Variants in ABTB3 observed in about 807,000 individuals in gnomAD.
The protein encoded by ABTB3 is ankyrin repeat and BTB domain containing 3, also known as ankyrin repeat- and BTB/POZ domain-containing protein 3.
the ABTB3 span, among the ~76,000 whole-genome samples, chr12:107,543,114 T>C: frequency 6.6e-6 from 1 of 152,134 alleles, no homozygotes; most frequent in Non-Finnish European, 1.5e-5. Context: ...GGCAGGCAGA[T>C]CACCTGAGGT....
At chr12:107,444,810 G>A in the ABTB3 span, among the ~76,000 whole-genome samples, 1 of 152,220 alleles carries the variant, frequency 6.6e-6, no homozygotes, top group South Asian at 2.1e-4. Flanking sequence ...TTCTAACGGG[G>A]CAGTTAAGGT....
chr12:107,318,934 C>G, the ABTB3 span: 2 of 1,586,796 alleles, frequency 1.3e-6, no homozygotes, highest in South Asian at 2.3e-5. Context: ...CATGAAGTGG[C>G]GCAGCGATGG....
the ABTB3 span, among the ~76,000 whole-genome samples, chr12:107,383,515 C>T: frequency 6.6e-6 from 1 of 152,196 alleles, no homozygotes; most frequent in South Asian, 2.1e-4. Context: ...AACTACCTTA[C>T]AGAGTTCTAA....
chr12:107,330,025 G>A, the ABTB3 span, among the ~76,000 whole-genome samples: 1 of 152,224 alleles, frequency 6.6e-6, no homozygotes, highest in African/African-American at 2.4e-5. Context: ...AGTGAGGCTT[G>A]AGTGAGGCTG....
At chr12:107,463,758 A>G in the ABTB3 span, among the ~76,000 whole-genome samples, 1 of 152,078 alleles carries the variant, frequency 6.6e-6, no homozygotes, top group Non-Finnish European at 1.5e-5. Context: ...TCTCCTCAGC[A>G]CTCTCACAAG....
chr12:107,518,786 T>C, the ABTB3 span, among the ~76,000 whole-genome samples: 2 of 152,214 alleles, frequency 1.3e-5, no homozygotes, highest in South Asian at 2.1e-4. Context: ...TCGAGCAGGG[T>C]TGGAAACACA....
the ABTB3 span, among the ~76,000 whole-genome samples, chr12:107,561,184 C>T: frequency 5.5e-4 from 83 of 152,266 alleles, no homozygotes; most frequent in African/African-American, 2.0e-3. Flanking sequence ...CATAGAATCC[C>T]GCCCTCTCCT....
At chr12:107,579,099 G>C in the ABTB3 span, among the ~76,000 whole-genome samples, 2 of 152,198 alleles carry the variant, frequency 1.3e-5, no homozygotes, top group African/African-American at 4.8e-5. Context: ...ATTCAAGTGA[G>C]GTAAAGTCAG....
At chr12:107,319,204 G>A in the ABTB3 span, 361 of 1,590,554 alleles carry the variant, frequency 2.3e-4, no homozygotes, top group Non-Finnish European at 3.0e-4. Flanking sequence ...AGCACTGCTC[G>A]CGGCTGCTGC....
At chr12:107,646,167 A>G in the ABTB3 span, among the ~76,000 whole-genome samples, 1 of 152,216 alleles carries the variant, frequency 6.6e-6, no homozygotes, top group Non-Finnish European at 1.5e-5. Flanking sequence ...TCCCTGCTTC[A>G]TGCAGGTTGG....
the ABTB3 span, among the ~76,000 whole-genome samples, chr12:107,411,418 C>T: frequency 3.1e-3 from 466 of 152,356 alleles, 5 homozygotes; most frequent in East Asian, 9.6e-3. Context: ...ACTTACCTCG[C>T]TGGGGTATTA....
At chr12:107,435,281 C>T in the ABTB3 span, among the ~76,000 whole-genome samples, 9 of 152,230 alleles carry the variant, frequency 5.9e-5, no homozygotes, top group East Asian at 1.9e-4. Flanking sequence ...ATTCCCAGCC[C>T]TGACTTTAAT....
the ABTB3 span, chr12:107,615,244 A>G: frequency 2.7e-6 from 3 of 1,092,134 alleles, no homozygotes; most frequent in Non-Finnish European, 4.1e-6. Context: ...CCCAGCATGC[A>G]TATTCTCTAA....
the ABTB3 span, among the ~76,000 whole-genome samples, chr12:107,460,958 G>A: frequency 6.6e-6 from 1 of 152,196 alleles, no homozygotes; most frequent in Non-Finnish European, 1.5e-5. Context: ...CTGTTCTCAT[G>A]CTGCTAATAA....
chr12:107,458,572 A>C, the ABTB3 span, among the ~76,000 whole-genome samples: 2 of 152,200 alleles, frequency 1.3e-5, no homozygotes, highest in African/African-American at 4.8e-5. Flanking sequence ...CCTGGAAGGC[A>C]GATCCACCCC....
the ABTB3 span, among the ~76,000 whole-genome samples, chr12:107,324,294 G>C: frequency 6.6e-6 from 1 of 152,094 alleles, no homozygotes; most frequent in Non-Finnish European, 1.5e-5. Flanking sequence ...AAGTAACTCA[G>C]TACACCCACC....
At chr12:107,635,277 T>G in the ABTB3 span, 2 of 1,612,412 alleles carry the variant, frequency 1.2e-6, no homozygotes, top group African/African-American at 1.3e-5. Flanking sequence ...CCTCTTTCTT[T>G]TCTGCAGAAT....
the ABTB3 span, among the ~76,000 whole-genome samples, chr12:107,413,027 C>A: frequency 6.6e-6 from 1 of 152,156 alleles, no homozygotes; most frequent in Non-Finnish European, 1.5e-5. Context: ...GTAATCCCAG[C>A]ACTTTGGGAG....
chr12:107,360,126 A>G, the ABTB3 span, among the ~76,000 whole-genome samples: 1 of 152,226 alleles, frequency 6.6e-6, no homozygotes, highest in Non-Finnish European at 1.5e-5. Flanking sequence ...TCACATAACT[A>G]AATAGTTGTT....
Sources: allele counts gnomAD v4.1 joint callset (sites outside exome capture counted in the v4.1 genomes callset), GRCh38; gene constraint gnomAD v4.1.1; transcripts MANE v1.5; gene names NCBI Gene and HGNC (gene_info 2026-07-23, HGNC 2026-07-21).